BCAP29: variants seen among roughly 807,000 people sequenced by gnomAD.
BCAP29 encodes B-cell receptor-associated protein 29.
A neutral mutation model predicts 31.8 loss-of-function variants in BCAP29; 34 were observed. The observed-to-expected ratio is 1.07, with a 90% CI of 0.81 to 1.42. The LOEUF is 1.42. Among genes scored for constraint, BCAP29 ranks in the 40% most tolerant of loss-of-function variants. The probability of loss-of-function intolerance (pLI) is 0.00; values close to 1 mark genes in which losing one functional copy is unlikely to be tolerated. For synonymous variants in BCAP29, 104 were observed against 91.3 expected, an observed-to-expected ratio of 1.14 and a Z score of -0.79; for missense variants, 314 against 269.2, an observed-to-expected ratio of 1.17 and a Z score of -1.16.
chr7:107,613,846 T>A, intron 7 of BCAP29: 1 of 707,312 alleles, frequency 1.4e-6, no homozygotes, highest in Non-Finnish European at 2.4e-6. Context: ...AGGACAAGAC[T>A]TTAGCATTCA....
intron 6 of BCAP29, among the ~76,000 whole-genome samples, chr7:107,606,479 C>T (rs1352672617): frequency 6.6e-6 from 1 of 152,188 alleles, no homozygotes; most frequent in African/African-American, 2.4e-5. Context: ...CCACATTCTT[C>T]ACTTTTGAAG....
rs1807855181 is a variant in BCAP29, at chr7:107,587,179, A to G, written c.193+3197A>G. On this transcript the variant is annotated intron_variant, in intron 3 of 7. Coordinates refer to ENST00000005259, the MANE Select transcript of BCAP29 (RefSeq NM_018844.4). ...GAATTTCAAGAGTGTGTTTAGTGTT[A>G]GCAGAAATGCATCCCAGGAATTTGA... Among the ~76,000 whole-genome samples, 3 of 152,222 alleles carry G rather than the reference A, an allele frequency of 2.0e-5. 1 individual carries two copies. In the South Asian group the frequency reaches 6.2e-4, roughly 32 times the overall value.
At chr7:107,594,331 C>A in intron 4 of BCAP29, 1 of 493,912 alleles carries the variant, frequency 2.0e-6, no homozygotes, top group South Asian at 2.6e-5. Flanking sequence ...GGACTACAGG[C>A]GGCACACCAC....
At chr7:107,615,864 C>T (rs536219624) in intron 7 of BCAP29, 9 of 152,444 alleles carry the variant, frequency 5.9e-5, no homozygotes, top group African/African-American at 1.9e-4. Flanking sequence ...TCCATGACAG[C>T]TCAATAATTG....
chr7:107,588,317 A>G (rs558815966), intron 3 of BCAP29, among the ~76,000 whole-genome samples: 8 of 152,342 alleles, frequency 5.3e-5, no homozygotes, highest in African/African-American at 1.7e-4. Context: ...GAAATGTGGA[A>G]CTAGATAGAG....
chr7:107,591,812 A>G (rs768764727), intron 3 of BCAP29, among the ~76,000 whole-genome samples: 6 of 152,068 alleles, frequency 3.9e-5, no homozygotes, highest in Non-Finnish European at 8.8e-5. Context: ...TATTTGTTTT[A>G]TTTTATTTTT....
chr7:107,601,973 T>G (rs1317489598), intron 6 of BCAP29, among the ~76,000 whole-genome samples: 2 of 152,232 alleles, frequency 1.3e-5, no homozygotes, highest in African/African-American at 2.4e-5. Flanking sequence ...TGAGATATTT[T>G]GAGTTTTAAC....
chr7:107,586,162 A>G (rs563665036), intron 3 of BCAP29, among the ~76,000 whole-genome samples: 13 of 152,168 alleles, frequency 8.5e-5, no homozygotes, highest in Non-Finnish European at 1.5e-4. Context: ...TTTCCTATAT[A>G]TACTTCATTC....
chr7:107,609,743 A>G (rs1281829322), intron 6 of BCAP29, among the ~76,000 whole-genome samples: 4 of 152,226 alleles, frequency 2.6e-5, no homozygotes, highest in Non-Finnish European at 4.4e-5. Context: ...ATAAGTGATC[A>G]TTGGCAAAGG....
chr7:107,597,087 G>T (rs1208289860), intron 5 of BCAP29, among the ~76,000 whole-genome samples: 2 of 152,168 alleles, frequency 1.3e-5, no homozygotes, highest in South Asian at 4.1e-4. Flanking sequence ...AGCTGTCAGT[G>T]CCCAGAGTAT....
At chr7:107,623,074 T>C (rs1815105594), downstream of BCAP29, 1 of 152,152 alleles carries the variant, frequency 6.6e-6, no homozygotes, top group African/African-American at 2.4e-5. Context: ...AAACATATGC[T>C]GCTATCTTAG....
At position 107,611,964 on chromosome 7, in the gene BCAP29, G is replaced by A. The variant is rs116660719; in HGVS notation, c.590-1368G>A. ...AAGTAGTGACTACCGTATTGACAAC[G>A]CAGATGTAGAACTATGTAGAACATT... On this transcript the variant is annotated intron_variant, in intron 6 of 7. Transcript: ENST00000005259. Among the ~76,000 whole-genome samples, 717 of 152,188 alleles carry A rather than the reference G, an allele frequency of 4.7e-3. 8 individuals carry two copies. Among genetic ancestry groups the A allele is most frequent in the African/African-American group, 0.016 (678 of 41,520 alleles).
rs368048734 is a variant in BCAP29 at position 107,586,375 on chromosome 7, A to G, written c.193+2393A>G. ...CATCTCCTATAACCAGGAAGGTCAC[A>G]AGGGAGAATCATGACTGCTGGCTGA... is the stretch of plus-strand genomic sequence containing the variant. On this transcript the variant is annotated intron_variant, in intron 3 of 7. Transcript: ENST00000005259. Among the ~76,000 whole-genome samples the G allele has an allele frequency of 5.3e-5, 8 of 152,312 alleles. No homozygotes were observed. The East Asian group carries it at 7.7e-4, about 15-fold the overall frequency.
chr7:107,600,540 T>C, intron 6 of BCAP29, 35 bp downstream of exon 6: 1 of 1,286,038 alleles, frequency 7.8e-7, no homozygotes, highest in Non-Finnish European at 1.1e-6. Flanking sequence ...GTAAAAAGAC[T>C]AGCATGATAT....
intron 6 of BCAP29, among the ~76,000 whole-genome samples, chr7:107,609,969 G>T (rs74794420): frequency 1.3e-5 from 2 of 152,182 alleles, no homozygotes; most frequent in African/African-American, 4.8e-5. Flanking sequence ...TCCATTTCCT[G>T]GCAGAGCTTT....
chr7:107,584,140 G>A (rs983119404), intron 3 of BCAP29, among the ~76,000 whole-genome samples, 158 bp downstream of exon 3: 3 of 152,208 alleles, frequency 2.0e-5, no homozygotes, highest in African/African-American at 7.2e-5. Context: ...ACAGTTGATA[G>A]ATACTACCAT....
chr7:107,589,010 C>T (rs962871196), intron 3 of BCAP29, among the ~76,000 whole-genome samples: 1 of 152,124 alleles, frequency 6.6e-6, no homozygotes. Flanking sequence ...TGAACCTTTC[C>T]ACTAAAATCA....
intron 2 of BCAP29, among the ~76,000 whole-genome samples, chr7:107,583,520 C>G (rs777674930): frequency 5.9e-5 from 9 of 152,028 alleles, no homozygotes; most frequent in Non-Finnish European, 1.2e-4. Context: ...AACAATATAT[C>G]TTTATTTCTA....
downstream of BCAP29, chr7:107,620,731 TCTATCTTGGACC>T (rs1814885366): frequency 6.6e-6 from 1 of 152,246 alleles, no homozygotes; most frequent in Non-Finnish European, 1.5e-5. Flanking sequence ...TTTGTCCAGC[TCTATCTTGGACC>T]CCAGTGCTGC....
Sources: gnomAD v4.1 joint callset for allele counts (sites outside exome capture counted in the v4.1 genomes callset) on GRCh38, gnomAD v4.1.1 for gene constraint, MANE v1.5 for transcripts, NCBI Gene and HGNC (gene_info 2026-07-23, HGNC 2026-07-21) for gene names.